The following NRXN3 variants were observed in gnomAD, a reference collection of about 807,000 sequenced individuals.
The protein encoded by NRXN3 is neurexin 3, also known as neurexin III.
In NRXN3, 32 loss-of-function variants were observed where a neutral mutation model predicts 137.6. The observed-to-expected ratio is 0.23, with a 90% CI of 0.18 to 0.31. The LOEUF is 0.31. Ranked by LOEUF, NRXN3 falls within the 10% of genes least tolerant of loss-of-function variation. The pLI, the probability that NRXN3 is intolerant of heterozygous loss-of-function variation, is 1.00. For missense variants in NRXN3, 1,574 were observed against 2,062.5 expected, an observed-to-expected ratio of 0.76 and a Z score of 4.59; for synonymous variants, 798 against 784.5, an observed-to-expected ratio of 1.02 and a Z score of -0.29.
At chr14:78,944,595 A>G (rs1444833917) in intron 10 of NRXN3, among the ~76,000 whole-genome samples, 1 of 152,212 alleles carries the variant, frequency 6.6e-6, no homozygotes, top group East Asian at 1.9e-4. Context: ...GATGAAGCCC[A>G]TGTGAAGACA....
chr14:78,944,091 C>T (rs1197839224), intron 10 of NRXN3, among the ~76,000 whole-genome samples: 1 of 152,060 alleles, frequency 6.6e-6, no homozygotes, highest in African/African-American at 2.4e-5. Context: ...TCTGGAATTT[C>T]AGAAGCATCA....
chr14:78,494,500 T>G (rs2095735779), intron 4 of NRXN3, among the ~76,000 whole-genome samples: 1 of 147,878 alleles, frequency 6.8e-6, no homozygotes, highest in Non-Finnish European at 1.5e-5. Flanking sequence ...TCACCAGAAC[T>G]GGGGTTTCAC....
At chr14:78,182,111 G>A (rs957547216) in intron 1 of NRXN3, among the ~76,000 whole-genome samples, 7 of 134,598 alleles carry the variant, frequency 5.2e-5, no homozygotes, top group African/African-American at 1.8e-4. Flanking sequence ...TTAGAATGAT[G>A]GGGCCGGGGG....
chr14:78,508,741 C>T (rs1318458740), intron 4 of NRXN3, among the ~76,000 whole-genome samples: 3 of 152,066 alleles, frequency 2.0e-5, no homozygotes, highest in Admixed American at 2.0e-4. Flanking sequence ...TCTTCTTTGC[C>T]ACCATGGTGA....
intron 8 of NRXN3, among the ~76,000 whole-genome samples, chr14:78,791,411 A>G (rs1394294246): frequency 6.6e-6 from 1 of 152,150 alleles, no homozygotes; most frequent in East Asian, 1.9e-4. Context: ...TAGGAGCAAG[A>G]CAGAATTCTG....
chr14:79,536,771 C>A (rs867344425), intron 16 of NRXN3, among the ~76,000 whole-genome samples: 2 of 152,126 alleles, frequency 1.3e-5, no homozygotes, highest in South Asian at 4.2e-4. Flanking sequence ...CCTCCATGTC[C>A]CTGAAAAGGA....
chr14:78,606,420 C>G (rs557314739), intron 4 of NRXN3, among the ~76,000 whole-genome samples: 2 of 152,302 alleles, frequency 1.3e-5, no homozygotes, highest in South Asian at 4.1e-4. Flanking sequence ...CTTACTCATT[C>G]TTCTAGACTA....
chr14:79,674,665 A>G (rs1191119588), intron 17 of NRXN3, among the ~76,000 whole-genome samples: 1 of 152,092 alleles, frequency 6.6e-6, no homozygotes, highest in East Asian at 1.9e-4. Context: ...TGGTTGACAG[A>G]TACAAATTCA....
chr14:79,651,776 C>T (rs2098477239), intron 16 of NRXN3, among the ~76,000 whole-genome samples: 1 of 152,098 alleles, frequency 6.6e-6, no homozygotes, highest in African/African-American at 2.4e-5. Flanking sequence ...GAAAGTGTGC[C>T]TCATTGAGCT....
intron 19 of NRXN3, among the ~76,000 whole-genome samples, chr14:79,788,052 G>A (rs1379018822): frequency 6.6e-6 from 1 of 152,132 alleles, no homozygotes; most frequent in Admixed American, 6.6e-5. Context: ...GGACTTCACA[G>A]CTCCACATGA....
At chr14:79,103,929 A>T (rs2051850468) in intron 15 of NRXN3, among the ~76,000 whole-genome samples, 1 of 152,132 alleles carries the variant, frequency 6.6e-6, no homozygotes, top group South Asian at 2.1e-4. Context: ...ATACATGCAC[A>T]TCTGCACAAG....
At position 78,714,912 on chromosome 14, in the gene NRXN3, G is replaced by A; in HGVS notation, c.1817G>A (p.Gly606Asp). 1 of 1,614,140 alleles carries A rather than the reference G, an allele frequency of 6.2e-7. No homozygotes were observed. The highest frequency in any genetic ancestry group is 8.5e-7 in the Non-Finnish European group (1 of 1,180,018). Reference sequence around the variant, plus strand: ...CTGTGGACTGCCATGCTCAACTATGGCTACGTGGGCTGCATCCGCGACCTA... The same window carrying A: ...CTGTGGACTGCCATGCTCAACTATGACTACGTGGGCTGCATCCGCGACCTA... The part of the protein sequence containing the change: ...TELWTAMLNY[G>D]YVGCIRDLFI... The change falls in exon 8 of 21, where the codon GGC (glycine) becomes GAC (aspartate). Residue 606 changes from glycine to aspartate, a missense_variant. By Grantham distance (94) the Gly-to-Asp change is moderately conservative. Coordinates refer to ENST00000335750, the MANE Select transcript of NRXN3 (RefSeq NM_001330195.2).
intron 15 of NRXN3, among the ~76,000 whole-genome samples, chr14:79,358,607 G>GAGAAAGAAGGAAGGAAAGAAAGAA (rs2093539455): frequency 3.8e-5 from 3 of 79,944 alleles, no homozygotes; most frequent in Admixed American, 1.6e-4. Flanking sequence ...AAGAAAGAAA[G>GAGAAAGAAGGAAGGAAAGAAAGAA]AGAAAGAAAG....
At chr14:79,780,903 T>C (rs947951415) in intron 19 of NRXN3, among the ~76,000 whole-genome samples, 14 of 152,162 alleles carry the variant, frequency 9.2e-5, no homozygotes, top group Non-Finnish European at 1.8e-4. Flanking sequence ...CTGAGCTGTG[T>C]TTTTATCATC....
At chr14:79,389,649 G>A (rs933442952) in intron 15 of NRXN3, among the ~76,000 whole-genome samples, 1 of 152,180 alleles carries the variant, frequency 6.6e-6, no homozygotes, top group Admixed American at 6.6e-5. Flanking sequence ...CTTAATAATT[G>A]TAAGTTGTTA....
At chr14:79,829,185 G>C (rs932059986) in intron 20 of NRXN3, among the ~76,000 whole-genome samples, 1 of 152,014 alleles carries the variant, frequency 6.6e-6, no homozygotes, top group African/African-American at 2.4e-5. Context: ...CTTACAGTTA[G>C]AATAAAAGAA....
At chr14:78,951,736 G>T (rs2099387511) in intron 10 of NRXN3, among the ~76,000 whole-genome samples, 1 of 152,252 alleles carries the variant, frequency 6.6e-6, no homozygotes, top group South Asian at 2.1e-4. Context: ...ATCAGAATGA[G>T]CATCAGAATG....
rs911415488 is a variant in NRXN3 at position 79,867,472 on chromosome 14, T to G, written c.*5508T>G. The G allele has an allele frequency of 1.3e-5, 2 of 152,244 alleles. No homozygotes were observed. The highest frequency in any genetic ancestry group is 4.8e-5 in the African/African-American group (2 of 41,452). The allele number at this position is 152,244 out of a possible 1,614,324, so 9.4% of individuals were successfully genotyped here. On this transcript the variant is annotated 3_prime_UTR_variant, in exon 21 of 21. Transcript: ENST00000335750. ...CTATGTACTCACAGGGCCTTTCTTC[T>G]GTTCATGCACTGAGAGATTTCTTTT...
intron 15 of NRXN3, among the ~76,000 whole-genome samples, chr14:79,244,901 G>C (rs2074925662): frequency 6.6e-6 from 1 of 152,138 alleles, no homozygotes; most frequent in Non-Finnish European, 1.5e-5. Flanking sequence ...GCCGATATCT[G>C]TTCAGTGTTT....
Sources: gnomAD v4.1 joint callset for allele counts (sites outside exome capture counted in the v4.1 genomes callset) on GRCh38, gnomAD v4.1.1 for gene constraint, MANE v1.5 for transcripts, NCBI Gene and HGNC (gene_info 2026-07-23, HGNC 2026-07-21) for gene names.